The following SLC24A2 variants were observed in gnomAD, a reference collection of about 807,000 sequenced individuals.
SLC24A2 encodes the protein solute carrier family 24 member 2, also known as sodium/potassium/calcium exchanger 2.
SLC24A2 carries 36 observed loss-of-function variants against 62.0 expected under a neutral mutation model. That is an observed-to-expected ratio of 0.58 (90% CI 0.44 to 0.77). The LOEUF is 0.77. Among genes scored for constraint, SLC24A2 ranks in the 30% least tolerant of loss-of-function variants. The probability of loss-of-function intolerance (pLI) is 0.00; values close to 1 mark genes in which losing one functional copy is unlikely to be tolerated. For missense variants in SLC24A2, 846 were observed against 817.9 expected, an observed-to-expected ratio of 1.03 and a Z score of -0.42; for synonymous variants, 358 against 294.0, an observed-to-expected ratio of 1.22 and a Z score of -2.23.
the SLC24A2 span, among the ~76,000 whole-genome samples, chr9:20,241,483 C>T: frequency 6.6e-6 from 1 of 152,142 alleles, no homozygotes; most frequent in East Asian, 1.9e-4. Context: ...TATGCCTAGA[C>T]CTCTCAGCAT....
intron 10 of SLC24A2, among the ~76,000 whole-genome samples, chr9:19,517,910 A>AACACACAC (rs56840950): frequency 1.4e-3 from 181 of 131,688 alleles, no homozygotes; most frequent in African/African-American, 1.8e-3. Flanking sequence ...TTCTTATTAA[A>AACACACAC]ACACACACAC....
chr9:19,559,161 T>A (rs1390781951), intron 7 of SLC24A2, among the ~76,000 whole-genome samples: 1 of 152,216 alleles, frequency 6.6e-6, no homozygotes, highest in Non-Finnish European at 1.5e-5. Context: ...AGTAAATATT[T>A]AGAAAAATAA....
chr9:20,103,680 A>AC, the SLC24A2 span, among the ~76,000 whole-genome samples: 1 of 152,252 alleles, frequency 6.6e-6, no homozygotes, highest in South Asian at 2.1e-4. Flanking sequence ...AAGGACATCC[A>AC]CACAAAAAAC....
the SLC24A2 span, among the ~76,000 whole-genome samples, chr9:20,273,696 C>G: frequency 6.6e-6 from 1 of 152,158 alleles, no homozygotes; most frequent in Non-Finnish European, 1.5e-5. Context: ...AAACCTCTTT[C>G]TTTTGTAAAT....
the SLC24A2 span, among the ~76,000 whole-genome samples, chr9:20,125,493 T>A: frequency 1.3e-5 from 2 of 152,178 alleles, no homozygotes; most frequent in Non-Finnish European, 2.9e-5. Context: ...AAACTTCCTA[T>A]ACATATAAGA....
chr9:20,005,369 G>A, the SLC24A2 span, among the ~76,000 whole-genome samples: 1 of 152,028 alleles, frequency 6.6e-6, no homozygotes, highest in African/African-American at 2.4e-5. Flanking sequence ...AAATTTTGAG[G>A]GCTTACTCTG....
chr9:19,980,991 C>T, the SLC24A2 span, among the ~76,000 whole-genome samples: 1 of 152,126 alleles, frequency 6.6e-6, no homozygotes, highest in Non-Finnish European at 1.5e-5. Context: ...TTTATCTCCC[C>T]AAGAGGGTAA....
intron 2 of SLC24A2, among the ~76,000 whole-genome samples, chr9:19,720,436 A>G (rs911650220): frequency 6.6e-6 from 1 of 152,204 alleles, no homozygotes; most frequent in African/African-American, 2.4e-5. Flanking sequence ...CTGTTCAACA[A>G]TGGCGTGGAG....
chr9:20,106,972 CCTT>C, the SLC24A2 span, among the ~76,000 whole-genome samples: 3 of 152,176 alleles, frequency 2.0e-5, no homozygotes, highest in Non-Finnish European at 4.4e-5. Context: ...CCAAAAATCT[CCTT>C]AAGCTGATAA....
the SLC24A2 span, among the ~76,000 whole-genome samples, chr9:20,100,812 T>C: frequency 6.6e-6 from 1 of 152,190 alleles, no homozygotes; most frequent in Admixed American, 6.5e-5. Context: ...AAGGATAGCT[T>C]CTGGTTTTTT....
At chr9:19,945,320 G>A in the SLC24A2 span, among the ~76,000 whole-genome samples, 1 of 152,108 alleles carries the variant, frequency 6.6e-6, no homozygotes, top group South Asian at 2.1e-4. Context: ...AAGGAAGGAG[G>A]GAGGGAGGGG....
the SLC24A2 span, among the ~76,000 whole-genome samples, chr9:20,006,077 A>G: frequency 2.6e-5 from 4 of 151,796 alleles, no homozygotes; most frequent in Admixed American, 1.3e-4. Flanking sequence ...GCTTAATAAG[A>G]AACTACATGA....
chr9:20,025,356 T>C, the SLC24A2 span, among the ~76,000 whole-genome samples: 1 of 152,144 alleles, frequency 6.6e-6, no homozygotes, highest in Admixed American at 6.6e-5. Context: ...AATGAATAAG[T>C]TGAAGCTAAT....
At chr9:19,869,031 G>C in the SLC24A2 span, among the ~76,000 whole-genome samples, 2 of 152,074 alleles carry the variant, frequency 1.3e-5, no homozygotes, top group Non-Finnish European at 2.9e-5. Context: ...ACCCAGGCTG[G>C]AGTGCAGTGG....
intron 2 of SLC24A2, among the ~76,000 whole-genome samples, chr9:19,751,721 C>T (rs918641167): frequency 7.9e-5 from 12 of 152,168 alleles, no homozygotes; most frequent in African/African-American, 2.7e-4. Flanking sequence ...GTACCAGGCT[C>T]ACCTGATATG....
chr9:20,177,081 C>G, the SLC24A2 span, among the ~76,000 whole-genome samples: 2 of 152,050 alleles, frequency 1.3e-5, no homozygotes, highest in African/African-American at 4.8e-5. Flanking sequence ...CCATAGGTCT[C>G]CATAGCAAAT....
the SLC24A2 span, chr9:19,929,399 T>C: frequency 6.6e-6 from 1 of 152,200 alleles, no homozygotes; most frequent in African/African-American, 2.4e-5. Flanking sequence ...TTAAAATGTA[T>C]ACAATCATGC....
At chr9:19,978,406 G>C in the SLC24A2 span, among the ~76,000 whole-genome samples, 1 of 151,414 alleles carries the variant, frequency 6.6e-6, no homozygotes, top group Non-Finnish European at 1.5e-5. Context: ...CCCTTCCCTC[G>C]CCCCTCTTTT....
the SLC24A2 span, among the ~76,000 whole-genome samples, chr9:19,993,242 T>C: frequency 6.6e-6 from 1 of 152,178 alleles, no homozygotes; most frequent in Non-Finnish European, 1.5e-5. Flanking sequence ...TCCAGCAGAA[T>C]TTCCCGAGCT....
Sources: gnomAD v4.1 joint callset for allele counts (sites outside exome capture counted in the v4.1 genomes callset) on GRCh38, gnomAD v4.1.1 for gene constraint, MANE v1.5 for transcripts, NCBI Gene and HGNC (gene_info 2026-07-23, HGNC 2026-07-21) for gene names.